GRAMD1C: variants seen among roughly 807,000 people sequenced by gnomAD.
GRAMD1C encodes GRAM domain containing 1C, also known as protein Aster-C.
A neutral mutation model predicts 97.8 loss-of-function variants in GRAMD1C; 89 were observed. That is an observed-to-expected ratio of 0.91 (90% CI 0.77 to 1.09). The LOEUF (loss-of-function observed/expected upper bound fraction) is 1.09. GRAMD1C is among the 50% of genes least tolerant of loss of function. GRAMD1C has a pLI of 0.00. For synonymous variants in GRAMD1C, 256 were observed against 267.0 expected (o/e 0.96, Z 0.40); for missense variants, 740 against 766.4 (o/e 0.97, Z 0.41).
At chr3:113,931,633 T>A (rs1355205849) in intron 11 of GRAMD1C, among the ~76,000 whole-genome samples, 5 of 152,064 alleles carry the variant, frequency 3.3e-5, no homozygotes, top group Admixed American at 1.3e-4. Context: ...AATATTTTTT[T>A]AAAAAGAATA....
intron 6 of GRAMD1C, chr3:113,890,850 C>A (rs1266902831): frequency 3.2e-6 from 2 of 617,934 alleles, no homozygotes; most frequent in Non-Finnish European, 5.9e-6. Flanking sequence ...AAACTAAGTT[C>A]TTCACTTTAA....
chr3:113,913,429 CAAAAA>C (rs765510213), intron 9 of GRAMD1C, among the ~76,000 whole-genome samples: 28 of 68,280 alleles, frequency 4.1e-4, no homozygotes, highest in African/African-American at 1.5e-3. Flanking sequence ...ACTCTGTCTC[CAAAAA>C]AAAAAAAAAA....
At chr3:113,886,826 G>T (rs1214077114) in intron 6 of GRAMD1C, among the ~76,000 whole-genome samples, 1 of 124,056 alleles carries the variant, frequency 8.1e-6, no homozygotes, top group East Asian at 2.7e-4. Context: ...TCTGTCACCA[G>T]GCTAGAGTGC....
chr3:113,835,178 A>G (rs80026516), upstream of GRAMD1C, among the ~76,000 whole-genome samples: 1 of 152,096 alleles, frequency 6.6e-6, no homozygotes, highest in Non-Finnish European at 1.5e-5. Context: ...CTTTAAATAC[A>G]TGACCATTAA....
At position 113,903,123 on chromosome 3, in the gene GRAMD1C, C is replaced by T. The variant is rs550651922; in HGVS notation, c.657-1017C>T. 1.7e-4 allele frequency among the ~76,000 whole-genome samples: 25 copies of T among 150,386 alleles called. No individual in the cohort carries two copies. The East Asian group carries it at 4.1e-3, about 25-fold the overall frequency. On this transcript the variant is annotated intron_variant, in intron 7 of 17. Coordinates refer to ENST00000358160, the MANE Select transcript of GRAMD1C (RefSeq NM_017577.5). ...GAGACTTCAGGTGCGTGCCACCACG[C>T]CCAGCTAATTTTTGCATTTTTTTTT...
chr3:113,917,856 CTTTTTTTTTT>C (rs71144097), intron 10 of GRAMD1C, among the ~76,000 whole-genome samples: 3 of 41,870 alleles, frequency 7.2e-5, no homozygotes, highest in Non-Finnish European at 1.2e-4. Flanking sequence ...CCATGCTTGG[CTTTTTTTTTT>C]TTTTTTTTTT....
chr3:113,933,432 A>G, intron 11 of GRAMD1C, 79 bp from the exon 12 acceptor site: 1 of 957,686 alleles, frequency 1.0e-6, no homozygotes, highest in Non-Finnish European at 1.6e-6. Flanking sequence ...AAGGAATACT[A>G]ATATACATGT....
At chr3:113,849,938 C>G (rs1265704887) in intron 2 of GRAMD1C, among the ~76,000 whole-genome samples, 2 of 148,786 alleles carry the variant, frequency 1.3e-5, no homozygotes, top group African/African-American at 5.0e-5. Flanking sequence ...CCCCCCACCT[C>G]CCTCCCGGAC....
intron 3 of GRAMD1C, among the ~76,000 whole-genome samples, chr3:113,871,252 A>G (rs1934799220): frequency 6.6e-6 from 1 of 152,130 alleles, no homozygotes; most frequent in Non-Finnish European, 1.5e-5. Flanking sequence ...AGTAGGCTTT[A>G]AGAGGAAAAA....
chr3:113,872,391 C>CTTTTTTTTTTTTTT (rs777339692), intron 3 of GRAMD1C, among the ~76,000 whole-genome samples: 68 of 117,436 alleles, frequency 5.8e-4, no homozygotes, highest in African/African-American at 9.3e-4. Flanking sequence ...TCTTTTTTTT[C>CTTTTTTTTTTTTTT]TTTTTTTTTT....
rs763573120 is a variant in GRAMD1C, at chr3:113,938,121, C to T, written c.1669C>T (p.Leu557Phe). ...KKEMENYNVT[L>F]IVVMSIFVLL... ...GGAAATGGAAAACTATAACGTCACT[C>T]TTATTGTGGTAATGAGTATTTTGTA... Residue 557 changes from leucine to phenylalanine, a missense_variant, in exon 15 of 18, where the codon CTT (leucine) becomes TTT (phenylalanine). Physicochemically the swap from Leu to Phe is conservative, Grantham distance 22. Coordinates refer to ENST00000358160, the MANE Select transcript of GRAMD1C (RefSeq NM_017577.5). The T allele has an allele frequency of 6.5e-7, 1 of 1,528,060 alleles. No homozygotes were observed. The highest frequency in any genetic ancestry group is 2.3e-5 in the East Asian group (1 of 43,352). 94.7% of individuals were successfully genotyped at this position (1,528,060 alleles called of 1,614,324 possible). A position where few individuals can be genotyped will look rare whatever the true frequency, so the allele number is the denominator to read the frequency against.
chr3:113,877,452 A>G (rs1460040540), intron 5 of GRAMD1C, among the ~76,000 whole-genome samples: 1 of 152,208 alleles, frequency 6.6e-6, no homozygotes, highest in Non-Finnish European at 1.5e-5. Flanking sequence ...TTTAGTTATC[A>G]TGCTCTTTAA....
rs1237995077 is a variant in GRAMD1C at position 113,900,451 on chromosome 3, C to T, written c.541-580C>T. On this transcript the variant is annotated intron_variant, in intron 6 of 17. Transcript: ENST00000358160. Reference sequence around the variant, plus strand: ...TTATTATTATTTTGAGATGGAGTCTCGCTCTGTCACCCAGGCTGGAGTGCA... The same window carrying T: ...TTATTATTATTTTGAGATGGAGTCTTGCTCTGTCACCCAGGCTGGAGTGCA... Among the ~76,000 whole-genome samples, 13 of 105,768 alleles carry T rather than the reference C, an allele frequency of 1.2e-4. No individual in the cohort carries two copies. In the East Asian group the frequency reaches 3.3e-3, roughly 27 times the overall value. 69.4% of individuals were successfully genotyped at this position (105,768 alleles called of 152,430 possible).
intron 10 of GRAMD1C, chr3:113,919,582 C>T: frequency 1.7e-6 from 1 of 575,846 alleles, no homozygotes. Context: ...ATGCATCTGA[C>T]ATCGGTGCCA....
intron 10 of GRAMD1C, among the ~76,000 whole-genome samples, chr3:113,917,856 C>CTTTTTTTT (rs71144097): frequency 2.4e-5 from 1 of 41,920 alleles, no homozygotes; most frequent in Non-Finnish European, 4.1e-5. Context: ...CCATGCTTGG[C>CTTTTTTTT]TTTTTTTTTT....
chr3:113,888,797 A>G (rs564499337), intron 6 of GRAMD1C, among the ~76,000 whole-genome samples: 1 of 152,378 alleles, frequency 6.6e-6, no homozygotes, highest in South Asian at 2.1e-4. Flanking sequence ...AATGTTTACC[A>G]TAGATCTGTT....
chr3:113,896,495 A>G (rs925652819), intron 6 of GRAMD1C, among the ~76,000 whole-genome samples: 2 of 152,178 alleles, frequency 1.3e-5, no homozygotes, highest in South Asian at 2.1e-4. Context: ...GGATTTTTAT[A>G]TTTAGCAAAA....
In GRAMD1C at chr3:113,946,340, A is replaced by G. The variant is rs1251743034; in HGVS notation, c.*862A>G. On this transcript the variant is annotated 3_prime_UTR_variant, in exon 18 of 18. Transcript: ENST00000358160. ...ATTTGTGTATTTTCAGTAACCATGT[A>G]TGGCTTCCTTCTTTATGTATGTGTG... The G allele has an allele frequency of 1.3e-5, 2 of 152,612 alleles. No individual in the cohort carries two copies. The highest frequency in any genetic ancestry group is 2.4e-5 in the African/African-American group (1 of 41,460). 9.5% of individuals were successfully genotyped at this position (152,612 alleles called of 1,614,324 possible). A position where few individuals can be genotyped will look rare whatever the true frequency, so the allele number is the denominator to read the frequency against.
At chr3:113,843,322 C>T (rs1933452646) in intron 1 of GRAMD1C, among the ~76,000 whole-genome samples, 1 of 151,790 alleles carries the variant, frequency 6.6e-6, no homozygotes, top group Non-Finnish European at 1.5e-5. Context: ...AGAGGTCCTC[C>T]TGCCTCAGCC....
Sources: gnomAD v4.1 joint callset for allele counts (sites outside exome capture counted in the v4.1 genomes callset) on GRCh38, gnomAD v4.1.1 for gene constraint, MANE v1.5 for transcripts, NCBI Gene and HGNC (gene_info 2026-07-23, HGNC 2026-07-21) for gene names.